The following BORCS5 variants were observed in gnomAD, a reference collection of about 807,000 sequenced individuals.
BORCS5 encodes the protein BLOC-1 related complex subunit 5, also known as BLOC-1-related complex subunit 5.
BORCS5 carries 17 observed loss-of-function variants against 22.1 expected under a neutral mutation model. The observed-to-expected ratio is 0.77, with a 90% CI of 0.53 to 1.15. The LOEUF (loss-of-function observed/expected upper bound fraction) is 1.15, where lower values mean the gene tolerates loss of function less well. BORCS5 is among the 50% of genes most tolerant of loss of function. The pLI, the probability that BORCS5 is intolerant of heterozygous loss-of-function variation, is 0.00. For synonymous variants in BORCS5, 117 were observed against 99.8 expected, an observed-to-expected ratio of 1.17 and a Z score of -1.03; for missense variants, 247 against 253.2, an observed-to-expected ratio of 0.98 and a Z score of 0.17.
At chr12:12,368,598 C>A (rs1371256171) in intron 2 of BORCS5, among the ~76,000 whole-genome samples, 2 of 146,732 alleles carry the variant, frequency 1.4e-5, no homozygotes, top group Non-Finnish European at 2.9e-5. Flanking sequence ...ATGTACCACA[C>A]CTGGCTAATT....
At chr12:12,368,727 A>G (rs1463364162) in intron 2 of BORCS5, among the ~76,000 whole-genome samples, 1 of 151,734 alleles carries the variant, frequency 6.6e-6, no homozygotes, top group East Asian at 1.9e-4. Context: ...TACAGGTGTG[A>G]CCCACTGCAC....
intron 2 of BORCS5, among the ~76,000 whole-genome samples, chr12:12,383,098 A>T (rs141809583): frequency 4.0e-5 from 6 of 151,120 alleles, no homozygotes; most frequent in African/African-American, 1.5e-4. Context: ...TATTAAATAC[A>T]TATTTTTAGT....
chr12:12,403,974 C>T (rs1206063132), intron 2 of BORCS5, among the ~76,000 whole-genome samples: 1 of 152,130 alleles, frequency 6.6e-6, no homozygotes, highest in African/African-American at 2.4e-5. Flanking sequence ...TCTTGTAGTT[C>T]CGTATAACTG....
At chr12:12,363,068 G>C (rs191693917) in intron 2 of BORCS5, among the ~76,000 whole-genome samples, 3 of 152,152 alleles carry the variant, frequency 2.0e-5, no homozygotes, top group Admixed American at 2.0e-4. Context: ...GGCTGAGGCA[G>C]GAGGATCACT....
At chr12:12,383,449 A>G (rs1410588869) in intron 2 of BORCS5, among the ~76,000 whole-genome samples, 1 of 151,396 alleles carries the variant, frequency 6.6e-6, no homozygotes, top group African/African-American at 2.4e-5. Flanking sequence ...TAACTCACAT[A>G]TTTACAATTT....
intron 2 of BORCS5, among the ~76,000 whole-genome samples, chr12:12,402,399 AC>A (rs796380500): frequency 3.3e-4 from 51 of 152,304 alleles, no homozygotes; most frequent in African/African-American, 1.0e-3. Flanking sequence ...TTTGTCTCTT[AC>A]CTGAATTTGG....
At chr12:12,376,444 A>G (rs1325087343) in intron 2 of BORCS5, among the ~76,000 whole-genome samples, 3 of 151,966 alleles carry the variant, frequency 2.0e-5, no homozygotes, top group Non-Finnish European at 1.5e-5. Flanking sequence ...AGTGTTAGCC[A>G]GGATAGTCTC....
chr12:12,438,591 G>A (rs1045482263), intron 3 of BORCS5, among the ~76,000 whole-genome samples: 12 of 151,868 alleles, frequency 7.9e-5, no homozygotes, highest in African/African-American at 1.9e-4. Flanking sequence ...AAAATTACTC[G>A]GAAGTTTTTT....
chr12:12,470,745 G>C lies in BORCS5; in HGVS notation c.*4969G>C, dbSNP rs1259870134. ...GCTATGGCTACAGAGGGAAAGGGTA[G>C]CCAGATAATTATCCACATGCTTCAA... On this transcript the variant is annotated 3_prime_UTR_variant, in exon 4 of 4. Transcript: ENST00000314565. 6.6e-6 allele frequency among the ~76,000 whole-genome samples: 1 copy of C among 150,986 alleles called. No individual in the cohort carries two copies. Among genetic ancestry groups the C allele is most frequent in the Non-Finnish European group, 1.5e-5 (1 of 67,868 alleles).
chr12:12,444,049 A>C (rs972030301), intron 3 of BORCS5, among the ~76,000 whole-genome samples: 9 of 152,240 alleles, frequency 5.9e-5, no homozygotes, highest in African/African-American at 2.2e-4. Flanking sequence ...CAATGAAGAG[A>C]AACAAGAATT....
At chr12:12,384,206 T>G (rs1863833209) in intron 2 of BORCS5, among the ~76,000 whole-genome samples, 1 of 151,030 alleles carries the variant, frequency 6.6e-6, no homozygotes, top group African/African-American at 2.4e-5. Flanking sequence ...GGTCTCAAAC[T>G]CCTGGGCTCA....
intron 3 of BORCS5, among the ~76,000 whole-genome samples, chr12:12,455,957 T>C (rs1041201130): frequency 9.2e-5 from 14 of 152,260 alleles, no homozygotes; most frequent in African/African-American, 3.1e-4. Flanking sequence ...ACCATGAGGG[T>C]TATTAAATTT....
chr12:12,378,244 C>G (rs1427162601), intron 2 of BORCS5, among the ~76,000 whole-genome samples: 1 of 151,904 alleles, frequency 6.6e-6, no homozygotes, highest in African/African-American at 2.4e-5. Flanking sequence ...TGGTGGCGTG[C>G]GCCTGTAATC....
In BORCS5 at chr12:12,367,552, A is replaced by G. The variant is rs554181400; in HGVS notation, c.202+6203A>G. On this transcript the variant is annotated intron_variant, in intron 2 of 3. Transcript: ENST00000314565. ...TAAGCTTTTAAACATGGCTATTCAGAGAAGTGTGAGTTGTGTGTAAAAACA... is the reference window on the plus strand; with the variant it reads ...TAAGCTTTTAAACATGGCTATTCAGGGAAGTGTGAGTTGTGTGTAAAAACA... Among the ~76,000 whole-genome samples, 65 of 152,342 alleles carry G rather than the reference A, an allele frequency of 4.3e-4. 1 individual carries two copies. The South Asian group carries it at 0.013, about 31-fold the overall frequency.
At chr12:12,364,899 G>A (rs1022392450) in intron 2 of BORCS5, among the ~76,000 whole-genome samples, 1 of 152,054 alleles carries the variant, frequency 6.6e-6, no homozygotes, top group Non-Finnish European at 1.5e-5. Flanking sequence ...CCCTAGAGGT[G>A]GAGGTTGCAG....
At chr12:12,380,062 T>C (rs1264920079) in intron 2 of BORCS5, among the ~76,000 whole-genome samples, 1 of 151,270 alleles carries the variant, frequency 6.6e-6, no homozygotes, top group East Asian at 1.9e-4. Flanking sequence ...GGGGGAATGA[T>C]TGGTCCGTGA....
chr12:12,384,570 T>C (rs993032752), intron 2 of BORCS5, among the ~76,000 whole-genome samples: 1 of 150,932 alleles, frequency 6.6e-6, no homozygotes, highest in Non-Finnish European at 1.5e-5. Context: ...TGGATTCTGA[T>C]CCTCCCAAAT....
intron 2 of BORCS5, among the ~76,000 whole-genome samples, chr12:12,426,021 C>T (rs1461321865): frequency 3.3e-5 from 5 of 152,198 alleles, no homozygotes; most frequent in Admixed American, 6.5e-5. Context: ...TAATATGTCA[C>T]ACTTACAGAT....
Position 12,465,605 on chromosome 12 carries a change from C to G in BORCS5, c.420C>G (p.Ala140=). 2 of 1,614,260 alleles carry G rather than the reference C, an allele frequency of 1.2e-6. No individual in the cohort carries two copies. Among genetic ancestry groups the G allele is most frequent in the African/African-American group, 2.7e-5 (2 of 75,076 alleles). The change falls in exon 4 of 4, where the codon GCC becomes GCG. Residue 140 remains alanine, a synonymous_variant. Transcript: ENST00000314565. ...SFMQERQKRY[A]KYAEQIQKVN... is the part of the protein sequence containing the mutation. ...TGCAGGAGCGCCAGAAAAGATACGC[C>G]AAGTATGCCGAGCAGATCCAGAAAG...
Sources: gnomAD v4.1 joint callset for allele counts (sites outside exome capture counted in the v4.1 genomes callset) on GRCh38, gnomAD v4.1.1 for gene constraint, MANE v1.5 for transcripts, NCBI Gene and HGNC (gene_info 2026-07-23, HGNC 2026-07-21) for gene names.